The following HLCS variants were observed in gnomAD, a reference collection of about 807,000 sequenced individuals.
HLCS encodes the protein biotin--protein ligase.
A neutral mutation model predicts 75.0 loss-of-function variants in HLCS; 53 were observed. That is an observed-to-expected ratio of 0.71 (90% CI 0.57 to 0.89). HLCS has a LOEUF of 0.89. Ranked by LOEUF, HLCS falls within the 40% of genes least tolerant of loss-of-function variation. The probability of loss-of-function intolerance (pLI) is 0.00; values close to 1 mark genes in which losing one functional copy is unlikely to be tolerated. For missense variants in HLCS, 966 were observed against 1,074.0 expected (o/e 0.90, Z 1.41); for synonymous variants, 431 against 428.6 (o/e 1.01, Z -0.07).
intron 2 of HLCS, among the ~76,000 whole-genome samples, chr21:36,949,650 C>A (rs769689704): frequency 5.9e-5 from 9 of 152,180 alleles, no homozygotes; most frequent in Admixed American, 1.3e-4. Context: ...ATCTTCAATG[C>A]GCTGCAACAA....
chr21:36,881,419 A>G (rs1253743344), intron 6 of HLCS, among the ~76,000 whole-genome samples: 1 of 152,192 alleles, frequency 6.6e-6, no homozygotes, highest in Non-Finnish European at 1.5e-5. Flanking sequence ...TTCCAGAAGG[A>G]AACTCCAATT....
chr21:36,963,752 CAAAAA>C (rs1206146032), intron 1 of HLCS, among the ~76,000 whole-genome samples: 1 of 150,234 alleles, frequency 6.7e-6, no homozygotes. Context: ...AACTCCATCT[CAAAAA>C]AAAAGTATGT....
Position 36,751,085 on chromosome 21 carries a change from CTTTA to C in HLCS, c.*3157_*3160del, listed in dbSNP as rs1002899135. ...TACATATTCCTTACTATGTAAAACA[CTTTA>C]TTTATTTTGTAAAAATGTTTAAATA... On this transcript the variant is annotated 3_prime_UTR_variant, in exon 11 of 11. Transcript: ENST00000674895. 1.2e-4 allele frequency: 16 copies of C among 137,098 alleles called. No homozygotes were observed. Among genetic ancestry groups the C allele is most frequent in the African/African-American group, 2.9e-4 (11 of 37,784 alleles). 8.5% of individuals were successfully genotyped at this position (137,098 alleles called of 1,614,324 possible). A position where few individuals can be genotyped will look rare whatever the true frequency, so the allele number is the denominator to read the frequency against.
chr21:36,800,929 G>A (rs2061179611), intron 6 of HLCS, among the ~76,000 whole-genome samples: 1 of 151,968 alleles, frequency 6.6e-6, no homozygotes, highest in South Asian at 2.1e-4. Flanking sequence ...GGCGGAGAGA[G>A]GTGTTGAAGG....
chr21:36,962,712 G>A (rs552037204), intron 1 of HLCS, among the ~76,000 whole-genome samples: 32 of 149,740 alleles, frequency 2.1e-4, no homozygotes, highest in African/African-American at 7.6e-4. Context: ...AGGATCACTC[G>A]AGCCTGGGAG....
chr21:36,887,032 G>A (rs1296071872), intron 6 of HLCS, among the ~76,000 whole-genome samples: 3 of 152,008 alleles, frequency 2.0e-5, no homozygotes, highest in African/African-American at 7.2e-5. Flanking sequence ...CAGGAGGCTG[G>A]GGCAGGATAA....
Position 36,898,446 on chromosome 21 carries a change from C to CAAAAAAAA in HLCS, c.1621-1323_1621-1316dup, listed in dbSNP as rs58625493. On this transcript the variant is annotated intron_variant, in intron 5 of 10. Coordinates refer to ENST00000674895, the MANE Select transcript of HLCS (RefSeq NM_001352514.2). ...GGCAACAAAGAGTGAAACTCCATCT[C>CAAAAAAAA]AAAAAAAAAAAAAAAAAAAAGACAA... Among the ~76,000 whole-genome samples, 116 of 49,420 alleles carry CAAAAAAAA rather than the reference C, an allele frequency of 2.3e-3. 1 individual carries two copies. The highest frequency in any genetic ancestry group is 6.2e-3 in the African/African-American group (71 of 11,454). 32.4% of individuals were successfully genotyped at this position (49,420 alleles called of 152,430 possible). A position where few individuals can be genotyped will look rare whatever the true frequency, so the allele number is the denominator to read the frequency against.
At chr21:36,946,676 A>G (rs2067413375) in intron 2 of HLCS, among the ~76,000 whole-genome samples, 1 of 152,244 alleles carries the variant, frequency 6.6e-6, no homozygotes, top group African/African-American at 2.4e-5. Flanking sequence ...GAAAAGAATA[A>G]ACGCAGGCCT....
In HLCS at chr21:36,934,795, C is replaced by T. The variant is rs1352799343; in HGVS notation, c.1437+1654G>A. Among the ~76,000 whole-genome samples, 6 of 152,172 alleles carry T rather than the reference C, an allele frequency of 3.9e-5. No homozygotes were observed. In the South Asian group the frequency reaches 1.2e-3, roughly 32 times the overall value. ...AACAGGGAAAGAGGAAACTAACCAG[C>T]CTGTGATAATATTTATTTTTTGATC... On this transcript the variant is annotated intron_variant, in intron 4 of 10. Transcript: ENST00000674895.
chr21:36,941,191 G>C (rs921619992), intron 2 of HLCS, among the ~76,000 whole-genome samples: 37 of 152,138 alleles, frequency 2.4e-4, no homozygotes, highest in African/African-American at 8.2e-4. Context: ...CAGCCTGGGT[G>C]AAAGAGCAAG....
chr21:36,956,055 T>C (rs1291874313), intron 2 of HLCS, among the ~76,000 whole-genome samples: 1 of 152,204 alleles, frequency 6.6e-6, no homozygotes, highest in East Asian at 1.9e-4. Context: ...GTTTGCATGA[T>C]GAAATCACCT....
rs150906690 is a variant in HLCS at position 36,985,533 on chromosome 21, C to T, written c.-393+4625G>A. On this transcript the variant is annotated intron_variant, in intron 1 of 11. Transcript: ENST00000336648. ...CTGTAATCCCAGCACTTTGGGAGGC[C>T]GAGGCGGGCAGATCACGAGATCAAG... Among the ~76,000 whole-genome samples the T allele has an allele frequency of 8.2e-3, 1,248 of 152,124 alleles. 11 individuals carry two copies. Among genetic ancestry groups the T allele is most frequent in the African/African-American group, 0.028 (1,144 of 41,502 alleles).
chr21:36,784,280 A>C (rs1216057202), intron 6 of HLCS, among the ~76,000 whole-genome samples: 1 of 151,468 alleles, frequency 6.6e-6, no homozygotes, highest in Non-Finnish European at 1.5e-5. Context: ...TGCTTTTATC[A>C]AAACAGAATT....
At chr21:36,925,471 T>C (rs962631669) in intron 5 of HLCS, among the ~76,000 whole-genome samples, 4 of 152,190 alleles carry the variant, frequency 2.6e-5, no homozygotes, top group African/African-American at 7.2e-5. Flanking sequence ...ATGCACAAGC[T>C]CTCTAGTTCC....
At chr21:36,887,646 T>C (rs1227466063) in intron 6 of HLCS, among the ~76,000 whole-genome samples, 1 of 152,234 alleles carries the variant, frequency 6.6e-6, no homozygotes, top group African/African-American at 2.4e-5. Flanking sequence ...GCCAAAGTTA[T>C]ATTTTAAATT....
At chr21:36,886,659 C>G (rs953454343) in intron 6 of HLCS, among the ~76,000 whole-genome samples, 1 of 152,104 alleles carries the variant, frequency 6.6e-6, no homozygotes, top group Non-Finnish European at 1.5e-5. Context: ...GTGTTCCCTC[C>G]CCAACCCTCT....
At chr21:36,817,121 GAAGCAGCAGATAAC>G (rs1291350422) in intron 6 of HLCS, among the ~76,000 whole-genome samples, 1 of 152,194 alleles carries the variant, frequency 6.6e-6, no homozygotes, top group Non-Finnish European at 1.5e-5. Context: ...GTGGAAGATG[GAAGCAGCAGATAAC>G]GGATGCATTA....
At position 36,966,437 on chromosome 21, in the gene HLCS, C is replaced by CCCCCCCCCCCGGGGGGG; in HGVS notation, c.195+6_195+7insCCCCCCCGGGGGGGGGG. 1.1e-6 allele frequency: 1 copy of CCCCCCCCCCCGGGGGGG among 931,938 alleles called. No individual in the cohort carries two copies. The highest frequency in any genetic ancestry group is 4.9e-5 in the South Asian group (1 of 20,306). 57.7% of individuals were successfully genotyped at this position (931,938 alleles called of 1,614,324 possible). ...GCCCGGGTCGCCCGCCCGCCCGACC[C>CCCCCCCCCCCGGGGGGG]GCCCACCTGGCTGTCGCTGACGCAG... On this transcript the variant is annotated splice_region_variant and intron_variant, in intron 1 of 10. Transcript: ENST00000674895.
chr21:36,928,386 T>C (rs1026607655), intron 5 of HLCS, among the ~76,000 whole-genome samples: 3 of 151,668 alleles, frequency 2.0e-5, no homozygotes, highest in Admixed American at 2.0e-4. Flanking sequence ...CTGGGCAACA[T>C]GGCGAAACCC....
Sources: allele counts gnomAD v4.1 joint callset (sites outside exome capture counted in the v4.1 genomes callset), GRCh38; gene constraint gnomAD v4.1.1; transcripts MANE v1.5; gene names NCBI Gene and HGNC (gene_info 2026-07-23, HGNC 2026-07-21).